Variants in CNTN5 observed in about 807,000 individuals in gnomAD.
CNTN5 encodes contactin 5, also known as contactin-5.
Under a neutral mutation model 129.1 loss-of-function variants are expected in CNTN5, and 77 were observed. The observed-to-expected ratio is 0.60, with a 90% CI of 0.50 to 0.72. The LOEUF (loss-of-function observed/expected upper bound fraction) is 0.72. Among genes scored for constraint, CNTN5 ranks in the 30% least tolerant of loss-of-function variants. CNTN5 has a pLI of 0.00. For synonymous variants in CNTN5, 509 were observed against 465.6 expected (o/e 1.09, Z -1.20); for missense variants, 1,478 against 1,328.8 (o/e 1.11, Z -1.75).
At chr11:99,542,921 T>C (rs543335885) in intron 2 of CNTN5, among the ~76,000 whole-genome samples, 18 of 152,368 alleles carry the variant, frequency 1.2e-4, no homozygotes, top group African/African-American at 4.1e-4. Flanking sequence ...TGAAAGTTTT[T>C]CCTTGGAAGG....
intron 3 of CNTN5, among the ~76,000 whole-genome samples, chr11:99,672,427 C>T (rs1016312801): frequency 2.0e-5 from 3 of 151,884 alleles, no homozygotes; most frequent in Non-Finnish European, 2.9e-5. Flanking sequence ...TTCTGGTAGG[C>T]TTCTCCTATG....
At chr11:99,833,425 C>T (rs1947207763) in intron 4 of CNTN5, among the ~76,000 whole-genome samples, 1 of 152,134 alleles carries the variant, frequency 6.6e-6, no homozygotes, top group Non-Finnish European at 1.5e-5. Context: ...TACAACCAAT[C>T]TGTTTCTTAC....
intron 9 of CNTN5, among the ~76,000 whole-genome samples, chr11:100,025,767 C>T (rs923383662): frequency 6.6e-6 from 1 of 152,162 alleles, no homozygotes; most frequent in Non-Finnish European, 1.5e-5. Flanking sequence ...GTGCCTGTAG[C>T]CCCATTGTTT....
chr11:100,330,865 T>C (rs537735443), intron 21 of CNTN5, among the ~76,000 whole-genome samples: 4 of 152,150 alleles, frequency 2.6e-5, no homozygotes, highest in African/African-American at 7.2e-5. Flanking sequence ...CACACCAAAA[T>C]AGAACCTCCT....
At chr11:99,875,146 C>G (rs1031274150) in intron 6 of CNTN5, among the ~76,000 whole-genome samples, 1 of 152,034 alleles carries the variant, frequency 6.6e-6, no homozygotes, top group Non-Finnish European at 1.5e-5. Context: ...CATCTGTATC[C>G]CTTTACCTCC....
intron 1 of CNTN5, among the ~76,000 whole-genome samples, chr11:99,047,501 T>G (rs1428784260): frequency 6.6e-6 from 1 of 152,012 alleles, no homozygotes; most frequent in Non-Finnish European, 1.5e-5. Context: ...AATAAATAGA[T>G]AATTTAACAG....
At chr11:99,029,685 A>C (rs1863270792) in intron 1 of CNTN5, among the ~76,000 whole-genome samples, 2 of 152,248 alleles carry the variant, frequency 1.3e-5, no homozygotes, top group Non-Finnish European at 2.9e-5. Flanking sequence ...GTTAAAAATT[A>C]TAAAATGAGG....
chr11:99,815,471 A>G (rs1487639947), intron 3 of CNTN5, among the ~76,000 whole-genome samples: 1 of 152,158 alleles, frequency 6.6e-6, no homozygotes, highest in East Asian at 1.9e-4. Flanking sequence ...GAGACCCCAC[A>G]ATACTGTAAA....
chr11:100,275,538 T>C (rs1242828826), intron 18 of CNTN5, among the ~76,000 whole-genome samples: 2 of 152,242 alleles, frequency 1.3e-5, no homozygotes, highest in Admixed American at 6.5e-5. Flanking sequence ...ATAATCCTTT[T>C]CAACTTTTTA....
chr11:99,915,648 T>C (rs548058431), intron 6 of CNTN5, among the ~76,000 whole-genome samples: 2 of 152,300 alleles, frequency 1.3e-5, no homozygotes, highest in African/African-American at 4.8e-5. Flanking sequence ...GCCTGACATA[T>C]AATGAAGAAG....
chr11:99,511,172 G>A (rs746017365), intron 2 of CNTN5, among the ~76,000 whole-genome samples: 1 of 151,984 alleles, frequency 6.6e-6, no homozygotes, highest in African/African-American at 2.4e-5. Flanking sequence ...TTTCTCTTGT[G>A]AGCATTTAGT....
At chr11:99,138,033 A>C (rs111659327) in intron 1 of CNTN5, among the ~76,000 whole-genome samples, 1 of 152,128 alleles carries the variant, frequency 6.6e-6, no homozygotes, top group South Asian at 2.1e-4. Flanking sequence ...ACAATTTTTC[A>C]CTTTTGAGCT....
chr11:99,556,464 T>C (rs910477451), intron 3 of CNTN5, among the ~76,000 whole-genome samples, 195 bp downstream of exon 3: 1 of 148,518 alleles, frequency 6.7e-6, no homozygotes, highest in African/African-American at 2.5e-5. Context: ...TTTAATATAA[T>C]AAGGTACACT....
intron 6 of CNTN5, among the ~76,000 whole-genome samples, chr11:99,851,193 A>G (rs1947863191): frequency 6.6e-6 from 1 of 152,124 alleles, no homozygotes; most frequent in East Asian, 1.9e-4. Flanking sequence ...GTTAGTGTTA[A>G]CACTTAGTTT....
At chr11:100,281,703 T>G (rs1950645023) in intron 18 of CNTN5, among the ~76,000 whole-genome samples, 1 of 152,298 alleles carries the variant, frequency 6.6e-6, no homozygotes, top group Admixed American at 6.5e-5. Context: ...CTACCTTGTC[T>G]TTAAGGCCAA....
chr11:99,466,093 A>G (rs953430784), intron 2 of CNTN5, among the ~76,000 whole-genome samples: 8 of 152,176 alleles, frequency 5.3e-5, no homozygotes, highest in African/African-American at 1.9e-4. Context: ...CGTGTTAGCC[A>G]GGATGGCCTC....
At chr11:99,031,430 GA>G (rs961446353) in intron 1 of CNTN5, among the ~76,000 whole-genome samples, 15 of 152,088 alleles carry the variant, frequency 9.9e-5, no homozygotes, top group African/African-American at 2.9e-4. Context: ...ATAGTAGAAA[GA>G]AATGGAAGAA....
intron 2 of CNTN5, among the ~76,000 whole-genome samples, chr11:99,419,202 G>A (rs1161173575): frequency 2.0e-5 from 3 of 152,106 alleles, no homozygotes; most frequent in Non-Finnish European, 2.9e-5. Context: ...GAGCACAACA[G>A]CACTGCACAG....
chr11:100,134,593 G>A (rs905845689), intron 13 of CNTN5, among the ~76,000 whole-genome samples: 1 of 151,994 alleles, frequency 6.6e-6, no homozygotes, highest in Non-Finnish European at 1.5e-5. Context: ...GTAAATCAGG[G>A]GCTGTTATTT....
Sources: allele counts gnomAD v4.1 joint callset (sites outside exome capture counted in the v4.1 genomes callset), GRCh38; gene constraint gnomAD v4.1.1; transcripts MANE v1.5; gene names NCBI Gene and HGNC (gene_info 2026-07-23, HGNC 2026-07-21).